The following GLCE variants were observed in gnomAD, a reference collection of about 807,000 sequenced individuals.
GLCE encodes the protein glucuronic acid epimerase, also known as D-glucuronyl C5-epimerase.
Under a neutral mutation model 47.9 loss-of-function variants are expected in GLCE, and 19 were observed. That is an observed-to-expected ratio of 0.40 (90% CI 0.28 to 0.58). GLCE has a LOEUF of 0.58. Among genes scored for constraint, GLCE ranks in the 20% least tolerant of loss-of-function variants. GLCE has a pLI of 0.48. For missense variants in GLCE, 556 were observed against 743.3 expected, an observed-to-expected ratio of 0.75 and a Z score of 2.93; for synonymous variants, 245 against 263.4, an observed-to-expected ratio of 0.93 and a Z score of 0.68.
intron 1 of GLCE, among the ~76,000 whole-genome samples, chr15:69,191,677 T>A (rs1255097722): frequency 2.0e-5 from 3 of 152,170 alleles, no homozygotes; most frequent in African/African-American, 7.2e-5. Context: ...GGAAAGCAGA[T>A]GTTCAGAATA....
intron 2 of GLCE, among the ~76,000 whole-genome samples, chr15:69,227,117 A>G (rs2052460633): frequency 6.6e-6 from 1 of 152,120 alleles, no homozygotes; most frequent in Non-Finnish European, 1.5e-5. Flanking sequence ...TGTATAAAAT[A>G]TATATAATTA....
chr15:69,191,154 T>C (rs2051906607), intron 1 of GLCE, among the ~76,000 whole-genome samples: 1 of 152,172 alleles, frequency 6.6e-6, no homozygotes, highest in South Asian at 2.1e-4. Flanking sequence ...CTGTACCTCA[T>C]GTCTTTGTAT....
chr15:69,193,942 T>G (rs2051950194), intron 1 of GLCE, among the ~76,000 whole-genome samples: 1 of 152,104 alleles, frequency 6.6e-6, no homozygotes, highest in African/African-American at 2.4e-5. Context: ...GACCATCTAT[T>G]TTTTTGGAGG....
rs561898890 is a variant in GLCE at position 69,256,348 on chromosome 15, A to G, written c.542A>G (p.Asn181Ser). Residue 181 changes from asparagine to serine, a missense_variant, in exon 3 of 5, where the codon AAT becomes AGT. By Grantham distance (46) the Asn-to-Ser change is conservative. Transcript: ENST00000261858. Reference sequence around the variant, plus strand: ...GTGTTTATGTCTTTTGAAGGCTACAATGTGGAAGTCCGAGACAGAGTCAAG... The same window carrying G: ...GTGTTTATGTCTTTTGAAGGCTACAGTGTGGAAGTCCGAGACAGAGTCAAG... ...DGVFMSFEGY[N>S]VEVRDRVKCI... The G allele has an allele frequency of 1.3e-5, 21 of 1,613,710 alleles. No individual in the cohort carries two copies. Among genetic ancestry groups the G allele is most frequent in the African/African-American group, 5.3e-5 (4 of 75,014 alleles).
At chr15:69,265,342 G>A (rs2053070486) in intron 4 of GLCE, among the ~76,000 whole-genome samples, 1 of 152,076 alleles carries the variant, frequency 6.6e-6, no homozygotes, top group South Asian at 2.1e-4. Flanking sequence ...ACCTTACCTG[G>A]TACATTGCCA....
intron 1 of GLCE, among the ~76,000 whole-genome samples, chr15:69,164,411 G>A (rs2051471979): frequency 6.6e-6 from 1 of 151,196 alleles, no homozygotes; most frequent in African/African-American, 2.4e-5. Context: ...TAATCTTTCA[G>A]GGCCCCAGTT....
At chr15:69,239,546 C>G (rs1566965425) in intron 2 of GLCE, among the ~76,000 whole-genome samples, 5 of 152,162 alleles carry the variant, frequency 3.3e-5, no homozygotes, top group Admixed American at 3.3e-4. Flanking sequence ...ATCTGACTCC[C>G]TCTAACCCCA....
intron 2 of GLCE, among the ~76,000 whole-genome samples, chr15:69,246,092 T>C (rs1022080820): frequency 2.6e-5 from 4 of 152,142 alleles, no homozygotes; most frequent in Non-Finnish European, 5.9e-5. Context: ...GAAACCACTT[T>C]CTTTGCTCAT....
chr15:69,193,838 G>A (rs924687595), intron 1 of GLCE, among the ~76,000 whole-genome samples: 2 of 151,942 alleles, frequency 1.3e-5, no homozygotes, highest in Admixed American at 6.6e-5. Context: ...TATTACCTAG[G>A]GCATTAGTCT....
At chr15:69,252,852 T>TA (rs2052865296) in intron 2 of GLCE, among the ~76,000 whole-genome samples, 1 of 152,200 alleles carries the variant, frequency 6.6e-6, no homozygotes. Flanking sequence ...TTTATATGAC[T>TA]TCTTAAGTTT....
At chr15:69,164,670 A>G (rs1038534865) in intron 1 of GLCE, among the ~76,000 whole-genome samples, 1 of 152,058 alleles carries the variant, frequency 6.6e-6, no homozygotes, top group African/African-American at 2.4e-5. Context: ...CTAGTTCTCA[A>G]GAAACAACTA....
At chr15:69,168,943 C>G (rs892200272) in intron 1 of GLCE, among the ~76,000 whole-genome samples, 1 of 152,090 alleles carries the variant, frequency 6.6e-6, no homozygotes, top group Admixed American at 6.6e-5. Context: ...AAACATGTAA[C>G]CAACAATCAG....
At chr15:69,178,405 A>C (rs957619169) in intron 1 of GLCE, among the ~76,000 whole-genome samples, 1 of 152,130 alleles carries the variant, frequency 6.6e-6, no homozygotes, top group African/African-American at 2.4e-5. Context: ...ATTCTCTAAC[A>C]ATCAGTGTAA....
chr15:69,172,639 C>T (rs2051605695), intron 1 of GLCE, among the ~76,000 whole-genome samples: 1 of 151,996 alleles, frequency 6.6e-6, no homozygotes, highest in African/African-American at 2.4e-5. Flanking sequence ...AAATGTGGTC[C>T]GAATAGTTAC....
At chr15:69,179,847 C>T (rs776673607) in intron 1 of GLCE, among the ~76,000 whole-genome samples, 37 of 151,948 alleles carry the variant, frequency 2.4e-4, no homozygotes, top group East Asian at 1.9e-4. Context: ...ATTAGCTGGG[C>T]GTGGTGGTGC....
chr15:69,258,426 G>C (rs978824904), intron 3 of GLCE, among the ~76,000 whole-genome samples: 1 of 152,024 alleles, frequency 6.6e-6, no homozygotes, highest in Admixed American at 6.6e-5. Flanking sequence ...TACTTAACAT[G>C]TTTCAACTAT....
chr15:69,230,505 C>T (rs1022370865), intron 2 of GLCE, among the ~76,000 whole-genome samples: 1 of 152,100 alleles, frequency 6.6e-6, no homozygotes, highest in African/African-American at 2.4e-5. Context: ...CATTATTTCT[C>T]AATAATTGAT....
At chr15:69,202,110 G>C (rs1370378839) in intron 1 of GLCE, among the ~76,000 whole-genome samples, 1 of 151,862 alleles carries the variant, frequency 6.6e-6, no homozygotes, top group Admixed American at 6.6e-5. Context: ...TGTAGAGATG[G>C]AGTCTCACTA....
chr15:69,199,468 A>G (rs1289430663), intron 1 of GLCE, among the ~76,000 whole-genome samples: 2 of 152,162 alleles, frequency 1.3e-5, no homozygotes, highest in Non-Finnish European at 2.9e-5. Context: ...TTTAACAGGT[A>G]GGAATAAGCA....
Sources: allele counts gnomAD v4.1 joint callset (sites outside exome capture counted in the v4.1 genomes callset), GRCh38; gene constraint gnomAD v4.1.1; transcripts MANE v1.5; gene names NCBI Gene and HGNC (gene_info 2026-07-23, HGNC 2026-07-21).